The following ADGRG6 variants were observed in gnomAD, a reference collection of about 807,000 sequenced individuals.
ADGRG6 encodes adhesion G protein-coupled receptor G6.
A neutral mutation model predicts 142.4 loss-of-function variants in ADGRG6; 84 were observed. The observed-to-expected ratio is 0.59, with a 90% CI of 0.49 to 0.71. ADGRG6 has a LOEUF of 0.71. Ranked by LOEUF, ADGRG6 falls within the 30% of genes least tolerant of loss-of-function variation. The pLI, the probability that ADGRG6 is intolerant of heterozygous loss-of-function variation, is 0.00. For synonymous variants in ADGRG6, 521 were observed against 520.5 expected, an observed-to-expected ratio of 1.00 and a Z score of -0.01; for missense variants, 1,367 against 1,466.6, an observed-to-expected ratio of 0.93 and a Z score of 1.11.
intron 2 of ADGRG6, among the ~76,000 whole-genome samples, chr6:142,347,611 A>T (rs973283600): frequency 1.3e-5 from 2 of 152,122 alleles, no homozygotes; most frequent in African/African-American, 4.8e-5. Flanking sequence ...TAGTTGGCCC[A>T]GTACAGTACT....
At chr6:142,326,588 AG>A (rs1652601487) in intron 2 of ADGRG6, among the ~76,000 whole-genome samples, 2 of 151,824 alleles carry the variant, frequency 1.3e-5, no homozygotes, top group Non-Finnish European at 2.9e-5. Flanking sequence ...CTCCTTGTAC[AG>A]AACAGAGTTT....
intron 2 of ADGRG6, among the ~76,000 whole-genome samples, chr6:142,332,347 A>G (rs569717935): frequency 8.4e-4 from 128 of 152,290 alleles, no homozygotes; most frequent in Non-Finnish European, 1.4e-3. Flanking sequence ...ACTTAAGCAT[A>G]TTTAGGTATT....
At chr6:142,401,921 T>C in intron 11 of ADGRG6, 73 bp from the exon 12 acceptor site, 1 of 695,378 alleles carries the variant, frequency 1.4e-6, no homozygotes, top group Non-Finnish European at 2.5e-6. Flanking sequence ...ATATATCATG[T>C]AAAAATCCCT....
intron 22 of ADGRG6, among the ~76,000 whole-genome samples, chr6:142,422,647 C>T (rs2115110905): frequency 6.7e-6 from 1 of 149,392 alleles, no homozygotes; most frequent in African/African-American, 2.5e-5. Context: ...GTCTTTATAG[C>T]AGCATGATTT....
chr6:142,315,952 A>C (rs1413631356), intron 2 of ADGRG6, among the ~76,000 whole-genome samples: 1 of 152,156 alleles, frequency 6.6e-6, no homozygotes, highest in Non-Finnish European at 1.5e-5. Context: ...AAAAACTCTC[A>C]GAGAGGAATA....
chr6:142,348,774 A>G (rs550144998), intron 2 of ADGRG6, among the ~76,000 whole-genome samples: 17 of 152,290 alleles, frequency 1.1e-4, no homozygotes, highest in East Asian at 5.8e-4. Context: ...ATGAATTTCT[A>G]TTTGTTTAGG....
chr6:142,349,393 A>G (rs1460348399), intron 2 of ADGRG6, among the ~76,000 whole-genome samples: 1 of 152,216 alleles, frequency 6.6e-6, no homozygotes, highest in Non-Finnish European at 1.5e-5. Flanking sequence ...GCCCCCATGT[A>G]GCTGGAATGC....
chr6:142,438,290 G>T lies in ADGRG6; in HGVS notation c.3500G>T (p.Gly1167Val). The change falls in exon 24 of 25, where the codon GGT becomes GTT. Residue 1167 changes from glycine (G) to valine (V), a missense_variant. Around this residue, in one of 3 missense-constraint regions of ADGRG6, gnomAD observed 344 missense variants for 348.7 expected, o/e 0.99. Transcript: ENST00000367609. ...LGKSLSSSSI[G>V]SNSTYLTSKS... ...AAATCTTTGTCTTCAAGCTCCATTGGTTCCAACTCAACCTATCTTACATCC... is the reference window on the plus strand; with the variant it reads ...AAATCTTTGTCTTCAAGCTCCATTGTTTCCAACTCAACCTATCTTACATCC... 6.2e-7 allele frequency: 1 copy of T among 1,605,908 alleles called. No individual in the cohort carries two copies. Among genetic ancestry groups the T allele is most frequent in the Non-Finnish European group, 8.5e-7 (1 of 1,174,458 alleles).
At chr6:142,378,130 A>G (rs1042455514) in intron 4 of ADGRG6, among the ~76,000 whole-genome samples, 2 of 152,190 alleles carry the variant, frequency 1.3e-5, no homozygotes, top group African/African-American at 2.4e-5. Flanking sequence ...AAACTGATGA[A>G]ATGTTCAAGA....
chr6:142,392,130 TG>T (rs941875115), intron 7 of ADGRG6, among the ~76,000 whole-genome samples: 4 of 151,984 alleles, frequency 2.6e-5, no homozygotes, highest in Non-Finnish European at 5.9e-5. Flanking sequence ...ACATTTTTTT[TG>T]CCAGGATTCC....
chr6:142,439,928 AT>A (rs1777665085), intron 24 of ADGRG6, among the ~76,000 whole-genome samples: 1 of 152,158 alleles, frequency 6.6e-6, no homozygotes, highest in African/African-American at 2.4e-5. Flanking sequence ...TTTTCACTTT[AT>A]TTAACCAAAC....
At chr6:142,441,182 A>G (rs186531430) in intron 24 of ADGRG6, among the ~76,000 whole-genome samples, 1 of 152,290 alleles carries the variant, frequency 6.6e-6, no homozygotes, top group East Asian at 1.9e-4. Context: ...CTTCTAGGAA[A>G]TGTACCATGG....
At chr6:142,392,625 T>C (rs910171403) in intron 7 of ADGRG6, among the ~76,000 whole-genome samples, 1 of 152,016 alleles carries the variant, frequency 6.6e-6, no homozygotes, top group Non-Finnish European at 1.5e-5. Context: ...TGGCATCTGC[T>C]ACTGCTTACT....
rs186808726 is a variant in ADGRG6, at chr6:142,446,158, G to A, written c.*2643G>A. ...ATGATGAATAAAAGTGACTGTGAGT[G>A]CAAATAGAATTAGCAGTAAGAAGCT... is the stretch of plus-strand genomic sequence containing the variant. On this transcript the variant is annotated 3_prime_UTR_variant, in exon 25 of 25. Coordinates refer to ENST00000367609, the MANE Select transcript of ADGRG6 (RefSeq NM_198569.3). The A allele has an allele frequency of 6.6e-6, 1 of 152,560 alleles. No individual in the cohort carries two copies. 9.5% of individuals were successfully genotyped at this position (152,560 alleles called of 1,614,324 possible). A position where few individuals can be genotyped will look rare whatever the true frequency, so the allele number is the denominator to read the frequency against.
chr6:142,383,553 T>G (rs1234746088), intron 5 of ADGRG6, among the ~76,000 whole-genome samples: 1 of 152,166 alleles, frequency 6.6e-6, no homozygotes, highest in African/African-American at 2.4e-5. Flanking sequence ...TTGTGTATTA[T>G]AGCATCAAAG....
intron 2 of ADGRG6, among the ~76,000 whole-genome samples, chr6:142,340,898 G>C (rs1301730472): frequency 6.6e-6 from 1 of 152,038 alleles, no homozygotes; most frequent in Non-Finnish European, 1.5e-5. Context: ...CATTTTCTGT[G>C]GTTGTCTTGG....
intron 2 of ADGRG6, among the ~76,000 whole-genome samples, chr6:142,343,209 T>C (rs1208056273): frequency 2.0e-5 from 3 of 151,768 alleles, no homozygotes; most frequent in African/African-American, 7.2e-5. Context: ...TAAGTGCCTA[T>C]GCATTTTTCA....
At chr6:142,404,102 G>T in intron 14 of ADGRG6, 129 bp downstream of exon 14, 2 of 713,600 alleles carry the variant, frequency 2.8e-6, no homozygotes. Flanking sequence ...TGTTGGCTAA[G>T]TTTAACTAGA....
intron 12 of ADGRG6, among the ~76,000 whole-genome samples, chr6:142,402,301 T>C (rs1292603661): frequency 1.3e-5 from 2 of 152,154 alleles, no homozygotes; most frequent in Non-Finnish European, 2.9e-5. Context: ...AAATTGATAT[T>C]TGTATCAATG....
Sources: allele counts gnomAD v4.1 joint callset (sites outside exome capture counted in the v4.1 genomes callset), GRCh38; gene constraint gnomAD v4.1.1; regional missense constraint gnomAD v4.1.1; transcripts MANE v1.5; gene names NCBI Gene and HGNC (gene_info 2026-07-23, HGNC 2026-07-21).